The following RGS6 variants were observed in gnomAD, a reference collection of about 807,000 sequenced individuals.
The protein encoded by RGS6 is regulator of G protein signaling 6.
A neutral mutation model predicts 78.5 loss-of-function variants in RGS6; 30 were observed. The ratio of observed to expected loss-of-function variants is 0.38; its 90% CI spans 0.29 to 0.52. RGS6 has a LOEUF of 0.52. Ranked by LOEUF, RGS6 falls within the 20% of genes least tolerant of loss-of-function variation. The pLI is 0.85. For missense variants in RGS6, 495 were observed against 609.7 expected, an observed-to-expected ratio of 0.81 and a Z score of 1.98; for synonymous variants, 206 against 206.0, an observed-to-expected ratio of 1.00 and a Z score of 0.00.
intron 2 of RGS6, among the ~76,000 whole-genome samples, chr14:72,124,990 A>G (rs893654558): frequency 6.6e-6 from 1 of 152,224 alleles, no homozygotes; most frequent in Non-Finnish European, 1.5e-5. Context: ...GACATTTTCC[A>G]AAGATTTTCC....
At chr14:72,205,072 A>G (rs1023835964) in intron 2 of RGS6, among the ~76,000 whole-genome samples, 6 of 152,188 alleles carry the variant, frequency 3.9e-5, no homozygotes, top group Non-Finnish European at 7.4e-5. Context: ...GAACTGTGGC[A>G]ATACAAAATA....
chr14:71,963,631 C>T (rs998604475), intron 1 of RGS6, among the ~76,000 whole-genome samples: 1 of 152,228 alleles, frequency 6.6e-6, no homozygotes, highest in African/African-American at 2.4e-5. Context: ...TGGCTTTTTA[C>T]ACTTAGCGTG....
chr14:72,189,603 A>G (rs890548156), intron 2 of RGS6, among the ~76,000 whole-genome samples: 4 of 152,136 alleles, frequency 2.6e-5, no homozygotes, highest in African/African-American at 7.2e-5. Flanking sequence ...TATTAACAAG[A>G]ACTTAGTCAT....
intron 17 of RGS6, among the ~76,000 whole-genome samples, chr14:72,545,894 G>A (rs535209242): frequency 6.2e-5 from 9 of 145,642 alleles, no homozygotes; most frequent in South Asian, 2.2e-4. Context: ...CCACCCTTCC[G>A]GTCTGGATGC....
At chr14:72,445,957 T>C (rs1439982303) in intron 3 of RGS6, among the ~76,000 whole-genome samples, 1 of 152,172 alleles carries the variant, frequency 6.6e-6, no homozygotes, top group Non-Finnish European at 1.5e-5. Context: ...TGACTGGTAG[T>C]CTTATTAAAG....
chr14:72,072,910 T>TA (rs879464860), intron 2 of RGS6, among the ~76,000 whole-genome samples: 3 of 152,230 alleles, frequency 2.0e-5, no homozygotes, highest in Non-Finnish European at 4.4e-5. Flanking sequence ...TGAGGAGCTT[T>TA]AAAAAATACT....
At chr14:71,927,965 CT>C (rs1012397767), upstream of RGS6, among the ~76,000 whole-genome samples, 3 of 151,202 alleles carry the variant, frequency 2.0e-5, no homozygotes, top group Admixed American at 6.6e-5. Flanking sequence ...GCCAAGAATC[CT>C]TTTTTTTTAA....
the RGS6 span, among the ~76,000 whole-genome samples, chr14:72,592,160 C>T: frequency 2.6e-5 from 4 of 152,010 alleles, no homozygotes; most frequent in South Asian, 4.1e-4. Context: ...GAAAGAGCAC[C>T]CTGAGATCCT....
At chr14:72,500,506 A>G (rs903443873) in intron 13 of RGS6, among the ~76,000 whole-genome samples, 4 of 152,258 alleles carry the variant, frequency 2.6e-5, no homozygotes, top group African/African-American at 7.2e-5. Flanking sequence ...GTTTAATTCA[A>G]TACATTTGTA....
At chr14:72,136,656 G>A (rs540412443) in intron 2 of RGS6, among the ~76,000 whole-genome samples, 7 of 152,288 alleles carry the variant, frequency 4.6e-5, no homozygotes, top group Middle Eastern at 3.4e-3. Context: ...CCCACAAGAC[G>A]TGGGAATTAT....
chr14:72,172,296 G>A (rs1399186393), intron 2 of RGS6, among the ~76,000 whole-genome samples: 1 of 150,946 alleles, frequency 6.6e-6, no homozygotes, highest in Non-Finnish European at 1.5e-5. Context: ...ATCTAGTAAT[G>A]CCTTTTAGGG....
intron 3 of RGS6, among the ~76,000 whole-genome samples, chr14:72,449,745 G>T (rs1437200264): frequency 6.6e-6 from 1 of 152,188 alleles, no homozygotes; most frequent in African/African-American, 2.4e-5. Context: ...ATAAAGGGTC[G>T]CTCTGAGGCT....
At chr14:72,068,571 A>G (rs1203375976) in intron 2 of RGS6, among the ~76,000 whole-genome samples, 1 of 138,698 alleles carries the variant, frequency 7.2e-6, no homozygotes, top group African/African-American at 2.7e-5. Context: ...AATCTTGGCT[A>G]GCTGTAACCT....
chr14:72,338,354 G>A (rs1291342190), intron 2 of RGS6, among the ~76,000 whole-genome samples: 1 of 152,194 alleles, frequency 6.6e-6, no homozygotes, highest in African/African-American at 2.4e-5. Flanking sequence ...GAAAATGAGA[G>A]CCAAGAGAGT....
chr14:72,245,525 G>T (rs962666994), intron 2 of RGS6, among the ~76,000 whole-genome samples: 1 of 152,258 alleles, frequency 6.6e-6, no homozygotes, highest in African/African-American at 2.4e-5. Flanking sequence ...GATTGCTCAT[G>T]CTTTTGTTTG....
intron 17 of RGS6, among the ~76,000 whole-genome samples, chr14:72,546,068 C>A (rs2097396680): frequency 6.6e-6 from 1 of 152,206 alleles, no homozygotes; most frequent in Non-Finnish European, 1.5e-5. Context: ...CTCTGCTGCT[C>A]ACCTGCTACC....
chr14:72,599,397 T>TG, the RGS6 span, among the ~76,000 whole-genome samples: 3,247 of 6,548 alleles, frequency 0.5, 804 homozygotes, highest in African/African-American at 0.57. Context: ...TCTTTCCTTT[T>TG]TTTTTTTTTT....
chr14:72,400,708 A>G lies in RGS6; in HGVS notation c.184+48514A>G, dbSNP rs552997844. Reference sequence around the variant, plus strand: ...ATATACATAAGTAGAAGTCTGGCAGACTAGAGAGATAGCCAGACTCACTTT... The same window carrying G: ...ATATACATAAGTAGAAGTCTGGCAGGCTAGAGAGATAGCCAGACTCACTTT... On this transcript the variant is annotated intron_variant, in intron 3 of 17. Coordinates refer to ENST00000553525, the MANE Select transcript of RGS6 (RefSeq NM_001204424.2). Among the ~76,000 whole-genome samples the G allele has an allele frequency of 3.9e-5, 6 of 152,348 alleles. No homozygotes were observed. In the East Asian group the frequency reaches 1.2e-3, roughly 29 times the overall value.
chr14:72,288,117 G>C (rs2062925169), intron 2 of RGS6, among the ~76,000 whole-genome samples: 1 of 152,098 alleles, frequency 6.6e-6, no homozygotes, highest in South Asian at 2.1e-4. Flanking sequence ...AAATGAGTTT[G>C]GAAGTGCTTT....
Sources: allele counts gnomAD v4.1 joint callset (sites outside exome capture counted in the v4.1 genomes callset), GRCh38; gene constraint gnomAD v4.1.1; transcripts MANE v1.5; gene names NCBI Gene and HGNC (gene_info 2026-07-23, HGNC 2026-07-21).